PDGFC: variants seen among roughly 807,000 people sequenced by gnomAD.
The protein encoded by PDGFC is platelet-derived growth factor C.
In PDGFC, 12 loss-of-function variants were observed where a neutral mutation model predicts 35.5. That is an observed-to-expected ratio of 0.34 (90% CI 0.22 to 0.55). PDGFC has a LOEUF of 0.55. PDGFC is among the 20% of genes least tolerant of loss of function. The pLI, the probability that PDGFC is intolerant of heterozygous loss-of-function variation, is 0.91. For missense variants in PDGFC, 322 were observed against 412.4 expected (o/e 0.78, Z 1.90); for synonymous variants, 159 against 148.8 (o/e 1.07, Z -0.50).
intron 2 of PDGFC, among the ~76,000 whole-genome samples, chr4:156,844,425 G>A (rs540265801): frequency 6.6e-6 from 1 of 152,176 alleles, no homozygotes; most frequent in East Asian, 1.9e-4. Flanking sequence ...GAGTACAAAA[G>A]AAGTAATAGA....
chr4:156,950,363 G>A (rs1321875211), intron 1 of PDGFC, among the ~76,000 whole-genome samples: 1 of 151,836 alleles, frequency 6.6e-6, no homozygotes, highest in African/African-American at 2.4e-5. Context: ...GTTATGATTA[G>A]ATAATAATAT....
At chr4:156,943,037 C>T (rs543288051) in intron 1 of PDGFC, among the ~76,000 whole-genome samples, 55 of 151,976 alleles carry the variant, frequency 3.6e-4, no homozygotes, top group Non-Finnish European at 6.8e-4. Context: ...TGAATTCCCT[C>T]GAAAAAATCT....
chr4:156,828,590 G>A (rs112677002), intron 2 of PDGFC, among the ~76,000 whole-genome samples: 9,457 of 152,052 alleles, frequency 0.062, 393 homozygotes, highest in Middle Eastern at 0.12. Flanking sequence ...TAAAAATAAT[G>A]TGTGTATACA....
chr4:156,775,189 C>T (rs115562578), intron 3 of PDGFC, among the ~76,000 whole-genome samples: 290 of 152,034 alleles, frequency 1.9e-3, no homozygotes, highest in African/African-American at 6.6e-3. Context: ...GATCTAAAAA[C>T]GGTTTTAATT....
intron 3 of PDGFC, among the ~76,000 whole-genome samples, chr4:156,791,953 C>T (rs371398610): frequency 1.4e-4 from 21 of 152,208 alleles, no homozygotes; most frequent in South Asian, 1.2e-3. Context: ...AAATATATTT[C>T]GGGAAAGCCT....
chr4:156,892,909 G>T (rs1730547577), intron 1 of PDGFC, among the ~76,000 whole-genome samples: 1 of 152,144 alleles, frequency 6.6e-6, no homozygotes, highest in Admixed American at 6.5e-5. Context: ...GTATTTTAGA[G>T]GACTTGACCT....
At chr4:156,875,902 G>T (rs143596043) in intron 1 of PDGFC, among the ~76,000 whole-genome samples, 4 of 152,040 alleles carry the variant, frequency 2.6e-5, no homozygotes, top group Admixed American at 6.6e-5. Flanking sequence ...AAGTGATTTC[G>T]CACAGAAAAC....
chr4:156,884,763 A>C (rs1215773167), intron 1 of PDGFC, among the ~76,000 whole-genome samples: 1 of 152,230 alleles, frequency 6.6e-6, no homozygotes, highest in Non-Finnish European at 1.5e-5. Context: ...ATCCAAATAC[A>C]CTGATACCAC....
chr4:156,870,503 C>A (rs1351879281), intron 1 of PDGFC, among the ~76,000 whole-genome samples: 1 of 152,074 alleles, frequency 6.6e-6, no homozygotes, highest in Non-Finnish European at 1.5e-5. Flanking sequence ...TTCCTTTATT[C>A]TGTTTCTATG....
intron 1 of PDGFC, among the ~76,000 whole-genome samples, chr4:156,957,972 T>G (rs538837966): frequency 2.6e-5 from 4 of 152,190 alleles, no homozygotes; most frequent in Admixed American, 2.6e-4. Context: ...GATGCTCATC[T>G]TTCCTGGCCC....
At chr4:156,898,578 C>G (rs1251523733) in intron 1 of PDGFC, among the ~76,000 whole-genome samples, 1 of 152,164 alleles carries the variant, frequency 6.6e-6, no homozygotes, top group African/African-American at 2.4e-5. Context: ...GAGGAAGAGG[C>G]ATTTGTCCTC....
chr4:156,789,171 T>C (rs774729222), intron 3 of PDGFC, among the ~76,000 whole-genome samples: 1 of 152,302 alleles, frequency 6.6e-6, no homozygotes, highest in African/African-American at 2.4e-5. Context: ...ATGAATGAAG[T>C]TGGTAAGATG....
chr4:156,764,024 T>G (rs936726968), intron 5 of PDGFC, among the ~76,000 whole-genome samples: 1 of 152,220 alleles, frequency 6.6e-6, no homozygotes, highest in Non-Finnish European at 1.5e-5. Context: ...CCTATTTAAG[T>G]GTATTACATT....
At chr4:156,924,284 T>C (rs2083789) in intron 1 of PDGFC, among the ~76,000 whole-genome samples, 41,132 of 152,126 alleles carry the variant, frequency 0.27, 6,229 homozygotes, top group Admixed American at 0.37. Context: ...TTTTATTCTG[T>C]GTAAAATCAT....
At chr4:156,833,423 C>A (rs1579043257) in intron 2 of PDGFC, among the ~76,000 whole-genome samples, 1 of 152,254 alleles carries the variant, frequency 6.6e-6, no homozygotes, top group Admixed American at 6.5e-5. Flanking sequence ...TTTAACTTTG[C>A]ACCAATCTTA....
intron 1 of PDGFC, among the ~76,000 whole-genome samples, chr4:156,927,355 C>A (rs1168979179): frequency 6.6e-6 from 1 of 152,186 alleles, no homozygotes; most frequent in East Asian, 1.9e-4. Flanking sequence ...CTGTAGTCAG[C>A]TTGAATTCCT....
chr4:156,804,707 A>G (rs980465947), intron 3 of PDGFC, among the ~76,000 whole-genome samples: 8 of 152,032 alleles, frequency 5.3e-5, no homozygotes, highest in Non-Finnish European at 5.9e-5. Context: ...TAGGGTATTG[A>G]ATGGGTAGGA....
chr4:156,824,018 C>G (rs754232459), intron 2 of PDGFC, among the ~76,000 whole-genome samples: 1 of 151,780 alleles, frequency 6.6e-6, no homozygotes, highest in African/African-American at 2.4e-5. Context: ...TATGTGAAAT[C>G]TAAAAAAGTT....
chr4:156,959,689 A>G (rs911331593), intron 1 of PDGFC, among the ~76,000 whole-genome samples: 1 of 151,996 alleles, frequency 6.6e-6, no homozygotes, highest in African/African-American at 2.4e-5. Flanking sequence ...CCATTTTTCC[A>G]AGTAAACTTG....
Sources: allele counts gnomAD v4.1 joint callset (sites outside exome capture counted in the v4.1 genomes callset), GRCh38; gene constraint gnomAD v4.1.1; transcripts MANE v1.5; gene names NCBI Gene and HGNC (gene_info 2026-07-23, HGNC 2026-07-21).